The following AMBP variants were observed in gnomAD, a reference collection of about 807,000 sequenced individuals.
The protein encoded by AMBP is protein AMBP.
Under a neutral mutation model 46.3 loss-of-function variants are expected in AMBP, and 37 were observed. That is an observed-to-expected ratio of 0.80 (90% CI 0.61 to 1.05). The LOEUF (loss-of-function observed/expected upper bound fraction) is 1.05. Ranked by LOEUF, AMBP falls within the 50% of genes least tolerant of loss-of-function variation. The pLI, the probability that AMBP is intolerant of heterozygous loss-of-function variation, is 0.00. For missense variants in AMBP, 475 were observed against 461.2 expected, an observed-to-expected ratio of 1.03 and a Z score of -0.27; for synonymous variants, 174 against 175.9, an observed-to-expected ratio of 0.99 and a Z score of 0.09.
chr9:114,072,356 C>T (rs1846754285), intron 5 of AMBP, among the ~76,000 whole-genome samples: 1 of 152,226 alleles, frequency 6.6e-6, no homozygotes, highest in Admixed American at 6.5e-5. Context: ...GCTGCCCACC[C>T]CATGGCAGCA....
intron 1 of AMBP, 46 bp from the exon 2 acceptor site, chr9:114,076,786 C>T: frequency 6.3e-7 from 1 of 1,595,802 alleles, no homozygotes; most frequent in Non-Finnish European, 8.6e-7. Context: ...TCTCAGACCT[C>T]AAAGCAGACC....
At position 114,073,057 on chromosome 9, in the gene AMBP, A is replaced by T. The variant is rs746454724; in HGVS notation, c.455-31T>A. 2.1e-4 allele frequency: 327 copies of T among 1,594,242 alleles called. 1 individual carries two copies. The highest frequency in any genetic ancestry group is 1.2e-5 in the Non-Finnish European group (14 of 1,167,998). ...AGGAGGAAGCAGAGGAGACGCCTAG[A>T]ACCACCAGGTGCTTGGAGTGGAAGG... is the stretch of plus-strand genomic sequence containing the variant. On this transcript the variant is annotated intron_variant, in intron 4 of 9. Transcript: ENST00000265132.
chr9:114,077,502 C>G (rs1428112541), intron 1 of AMBP: 6 of 153,620 alleles, frequency 3.9e-5, no homozygotes, highest in African/African-American at 1.4e-4. Flanking sequence ...TCCACACTCA[C>G]AGGAGAGTGT....
Position 114,074,164 on chromosome 9 carries a change from G to T in AMBP, c.338-12C>A. ...GGTTATGTTCCATTCTGCATGGGAG[G>T]TGCAGGCAGACCAAAGGGATCAGTG... On this transcript the variant is annotated splice_polypyrimidine_tract_variant and intron_variant, in intron 3 of 9. Transcript: ENST00000265132. 2 of 1,606,394 alleles carry T rather than the reference G, an allele frequency of 1.2e-6. No homozygotes were observed. The highest frequency in any genetic ancestry group is 1.3e-5 in the African/African-American group (1 of 74,882).
chr9:114,060,911 G>T lies in AMBP; in HGVS notation c.1027+14C>A. ...GCCCCTCGGCCCAGCCTGGCACCCT[G>T]CAGGGCTGCCTACCATCACCAGGGA... On this transcript the variant is annotated intron_variant, in intron 9 of 9. Transcript: ENST00000265132. The T allele has an allele frequency of 6.2e-7, 1 of 1,610,666 alleles. No individual in the cohort carries two copies. Among genetic ancestry groups the T allele is most frequent in the East Asian group, 2.2e-5 (1 of 44,836 alleles).
intron 6 of AMBP, among the ~76,000 whole-genome samples, chr9:114,065,644 C>G (rs766604484): frequency 4.3e-4 from 65 of 151,944 alleles, no homozygotes; most frequent in Non-Finnish European, 7.9e-4. Flanking sequence ...CACCCCCACC[C>G]CCACCCTCAC....
At chr9:114,070,308 C>A (rs1027092026) in intron 5 of AMBP, among the ~76,000 whole-genome samples, 5 of 152,138 alleles carry the variant, frequency 3.3e-5, no homozygotes, top group African/African-American at 1.2e-4. Context: ...GCTGGGACCC[C>A]TGTGGCTCCC....
chr9:114,073,949 C>G, intron 4 of AMBP, 87 bp downstream of exon 4: 1 of 1,281,810 alleles, frequency 7.8e-7, no homozygotes, highest in South Asian at 1.2e-5. Flanking sequence ...AAAAGCAAAA[C>G]TCCCTGTGCT....
chr9:114,066,794 T>A (rs2134848745), intron 6 of AMBP, among the ~76,000 whole-genome samples: 1 of 152,216 alleles, frequency 6.6e-6, no homozygotes, highest in East Asian at 1.9e-4. Context: ...TGCTCCTGGA[T>A]GAGAGAACAA....
In AMBP at chr9:114,078,150, G is replaced by T; in HGVS notation, c.60C>A (p.Gly20=). The change falls in exon 1 of 10, where the codon GGC becomes GGA. Residue 20 remains glycine (G), a synonymous_variant. Coordinates refer to ENST00000265132, the MANE Select transcript of AMBP (RefSeq NM_001633.4). ...LLSACLAVSA[G]PVPTPPDNIQ... ...TGTTGTCGGGCGGCGTTGGCACAGG[G>T]CCAGCGCTCACCGCCAGGCAGGCGC... 2 of 1,613,684 alleles carry T rather than the reference G, an allele frequency of 1.2e-6. No individual in the cohort carries two copies. The highest frequency in any genetic ancestry group is 1.7e-6 in the Non-Finnish European group (2 of 1,180,030).
intron 3 of AMBP, 120 bp downstream of exon 3, chr9:114,074,840 A>T (rs1846788040): frequency 1.2e-6 from 1 of 806,806 alleles, no homozygotes; most frequent in Non-Finnish European, 2.1e-6. Flanking sequence ...TGTTTGGGGG[A>T]AGGCTAGATG....
intron 1 of AMBP, 144 bp downstream of exon 1, chr9:114,077,949 C>T: frequency 1.2e-6 from 1 of 809,010 alleles, no homozygotes; most frequent in Admixed American, 2.0e-5. Flanking sequence ...GGGGATAGAG[C>T]TGTACCTTCA....
In AMBP at chr9:114,074,068, T is replaced by C. The variant is rs769675878; in HGVS notation, c.422A>G (p.His141Arg). The change falls in exon 4 of 10, where the codon CAT becomes CGT. Residue 141 changes from histidine to arginine, a missense_variant. By Grantham distance (29) the His-to-Arg change is conservative. Transcript: ENST00000265132. The part of the protein sequence containing the change: ...AIFLTKKFSR[H>R]HGPTITAKLY... ...CTTGGCAGTAATGGTGGGTCCATGA[T>C]GGCGGCTGAATTTCTTGGTCAGGAA... The C allele has an allele frequency of 2.5e-6, 4 of 1,614,082 alleles. No homozygotes were observed. The highest frequency in any genetic ancestry group is 1.7e-5 in the Admixed American group (1 of 60,002).
chr9:114,070,556 C>G (rs1476530411), intron 5 of AMBP, among the ~76,000 whole-genome samples: 2 of 152,184 alleles, frequency 1.3e-5, no homozygotes, highest in Admixed American at 1.3e-4. Context: ...CACCTGCCAG[C>G]AGGGGAGCAA....
Position 114,076,676 on chromosome 9 carries a change from T to C in AMBP, c.182A>G (p.Asp61Gly), listed in dbSNP as rs1846814520. ...CACCAGCGTGCTCACTGTCATCCTG[T>C]CCATGATCTTCTTCAGCCAGGGGCA... ...STCPWLKKIMDRMTVSTLVLG... is the reference protein window; with the variant it reads ...STCPWLKKIMGRMTVSTLVLG... Residue 61 changes from aspartate (D) to glycine (G), a missense_variant, in exon 2 of 10, where the codon GAC becomes GGC. Coordinates refer to ENST00000265132, the MANE Select transcript of AMBP (RefSeq NM_001633.4). 2 of 1,613,988 alleles carry C rather than the reference T, an allele frequency of 1.2e-6. No homozygotes were observed. The highest frequency in any genetic ancestry group is 2.7e-5 in the African/African-American group (2 of 74,984).
At chr9:114,073,368 T>G (rs948665482) in intron 4 of AMBP, among the ~76,000 whole-genome samples, 11 of 151,810 alleles carry the variant, frequency 7.2e-5, no homozygotes, top group Non-Finnish European at 1.6e-4. Context: ...TGCCTCAGCC[T>G]CCTGAGTAGC....
chr9:114,076,812 C>T, intron 1 of AMBP, 72 bp from the exon 2 acceptor site: 1 of 1,541,606 alleles, frequency 6.5e-7, no homozygotes, highest in Non-Finnish European at 8.8e-7. Context: ...GACATCTGCT[C>T]CCCACCCTCC....
chr9:114,062,753 G>T lies in AMBP; in HGVS notation c.609C>A (p.Val203=). The change falls in exon 7 of 10, where the codon GTC becomes GTA. Residue 203 remains valine, a synonymous_variant. Transcript: ENST00000265132. ...CTTCTTGGGGTAGCACAGCCCTCCGGACTCTCTGCGGGGGAGAGAAAGAGA... is the reference window on the plus strand; with the variant it reads ...CTTCTTGGGGTAGCACAGCCCTCCGTACTCTCTGCGGGGGAGAGAAAGAGA... ...QEPEPILIPR[V]RRAVLPQEEE... is the part of the protein sequence containing the mutation. 1.2e-6 allele frequency: 2 copies of T among 1,614,072 alleles called. No individual in the cohort carries two copies. The highest frequency in any genetic ancestry group is 1.7e-6 in the Non-Finnish European group (2 of 1,180,018).
intron 1 of AMBP, 115 bp from the exon 2 acceptor site, chr9:114,076,855 A>G (rs1846818270): frequency 3.1e-6 from 4 of 1,305,710 alleles, no homozygotes; most frequent in East Asian, 2.4e-5. Flanking sequence ...TCTCCTCAAA[A>G]TGACTTATCC....
Sources: allele counts gnomAD v4.1 joint callset (sites outside exome capture counted in the v4.1 genomes callset), GRCh38; gene constraint gnomAD v4.1.1; transcripts MANE v1.5; gene names NCBI Gene and HGNC (gene_info 2026-07-23, HGNC 2026-07-21).